Variants in TACC2 observed in about 807,000 individuals in gnomAD.
TACC2 encodes the protein transforming acidic coiled-coil-containing protein 2.
A neutral mutation model predicts 227.3 loss-of-function variants in TACC2; 137 were observed. The observed-to-expected ratio is 0.60, with a 90% CI of 0.52 to 0.69. TACC2 has a LOEUF of 0.69. Among genes scored for constraint, TACC2 ranks in the 30% least tolerant of loss-of-function variants. TACC2 has a pLI of 0.00. For missense variants in TACC2, 3,470 were observed against 3,694.4 expected (o/e 0.94, Z 1.57); for synonymous variants, 1,523 against 1,487.5 (o/e 1.02, Z -0.55).
intron 3 of TACC2, among the ~76,000 whole-genome samples, chr10:122,058,070 G>T (rs1384867711): frequency 4.9e-4 from 74 of 152,188 alleles, no homozygotes; most frequent in Non-Finnish European, 8.8e-5. Context: ...ACCCACCATG[G>T]AGTGGTTCAG....
intron 5 of TACC2, among the ~76,000 whole-genome samples, chr10:122,116,024 C>G (rs1305533197): frequency 6.6e-6 from 1 of 152,104 alleles, no homozygotes; most frequent in Admixed American, 6.5e-5. Flanking sequence ...TTCTGCCTCT[C>G]CCCTATTGAG....
At chr10:122,215,757 GA>G (rs1296848387) in intron 10 of TACC2, among the ~76,000 whole-genome samples, 2 of 152,164 alleles carry the variant, frequency 1.3e-5, no homozygotes, top group Non-Finnish European at 2.9e-5. Flanking sequence ...GTCGAGATGA[GA>G]AAGTCTCTTG....
chr10:122,137,791 A>G (rs2089949188), intron 6 of TACC2, among the ~76,000 whole-genome samples: 1 of 152,120 alleles, frequency 6.6e-6, no homozygotes, highest in South Asian at 2.1e-4. Flanking sequence ...GTCCTTGGAG[A>G]ACCACCAGGT....
Position 122,161,080 on chromosome 10 carries a change from T to C in TACC2, c.5834+17374T>C, listed in dbSNP as rs1340918914. On this transcript the variant is annotated intron_variant, in intron 7 of 22. Transcript: ENST00000369005. ...TCCTGAGTAGCTGGGACCACAGTTA[T>C]GCACCACCACACCCACCTAATTTTG... Among the ~76,000 whole-genome samples the C allele has an allele frequency of 3.3e-5, 5 of 152,134 alleles. No homozygotes were observed. In the South Asian group the frequency reaches 8.3e-4, roughly 25 times the overall value.
At chr10:122,229,318 G>T in intron 14 of TACC2, 28 bp from the exon 15 acceptor site, 1 of 1,611,506 alleles carries the variant, frequency 6.2e-7, no homozygotes, top group Admixed American at 1.7e-5. Context: ...TATTTTTCTT[G>T]TGTGTCCTCC....
At position 122,227,937 on chromosome 10, in the gene TACC2, G is replaced by A. The variant is rs200541273; in HGVS notation, c.7825G>A (p.Val2609Met). Residue 2609 changes from valine to methionine, a missense_variant, in exon 14 of 23, where the codon GTG (valine) becomes ATG (methionine). Around this residue, in one of 10 missense-constraint regions of TACC2, gnomAD observed 345 missense variants for 354.4 expected, o/e 0.97. Coordinates refer to ENST00000369005, the MANE Select transcript of TACC2 (RefSeq NM_206862.4). ...LAPNQESHLQ[V>M]PEKSSQKELE... ...CCCTAACCAAGAGTCACACTTGCAG[G>A]TGCCAGAGAAATCCTCCCAGAAGGA... 4.8e-5 allele frequency: 77 copies of A among 1,614,142 alleles called. No individual in the cohort carries two copies. Among genetic ancestry groups the A allele is most frequent in the Non-Finnish European group, 1.4e-5 (17 of 1,180,054 alleles).
chr10:122,103,868 G>C (rs987662933), intron 5 of TACC2, among the ~76,000 whole-genome samples: 2 of 152,182 alleles, frequency 1.3e-5, no homozygotes, highest in Non-Finnish European at 2.9e-5. Context: ...CCAGCTGCCT[G>C]GTGAGCACTG....
intron 5 of TACC2, among the ~76,000 whole-genome samples, chr10:122,104,679 T>G (rs2082548935): frequency 6.6e-6 from 1 of 152,198 alleles, no homozygotes; most frequent in Admixed American, 6.5e-5. Context: ...CTTTCATTTT[T>G]TATTTCGTTG....
chr10:122,246,169 A>G (rs2096113726), intron 19 of TACC2, among the ~76,000 whole-genome samples: 1 of 152,040 alleles, frequency 6.6e-6, no homozygotes, highest in African/African-American at 2.4e-5. Context: ...TCTCTGCCCC[A>G]CCCCAGACCT....
chr10:122,096,412 A>T (rs564419454), intron 5 of TACC2, among the ~76,000 whole-genome samples: 1 of 152,146 alleles, frequency 6.6e-6, no homozygotes, highest in Non-Finnish European at 1.5e-5. Context: ...AGTGCCCCTT[A>T]CCGGCCAGGC....
chr10:122,224,621 T>A, intron 11 of TACC2, 105 bp from the exon 12 acceptor site: 1 of 960,710 alleles, frequency 1.0e-6, no homozygotes, highest in South Asian at 1.4e-5. Context: ...CCCAGAGCCT[T>A]GTGATAGCTC....
chr10:122,164,621 AG>A (rs2093038923), intron 7 of TACC2, among the ~76,000 whole-genome samples: 2 of 152,204 alleles, frequency 1.3e-5, no homozygotes, highest in Non-Finnish European at 2.9e-5. Context: ...CGTGCTCAGA[AG>A]TGGCCTTTAT....
At chr10:122,087,998 A>C (rs1195347663) in intron 4 of TACC2, 39 bp downstream of exon 4, 2 of 1,490,868 alleles carry the variant, frequency 1.3e-6, no homozygotes, top group Non-Finnish European at 1.8e-6. Context: ...ATGTGTGGTC[A>C]GTTTCAAAGG....
intron 7 of TACC2, among the ~76,000 whole-genome samples, chr10:122,173,925 C>G (rs2093593833): frequency 6.6e-6 from 1 of 152,210 alleles, no homozygotes; most frequent in Admixed American, 6.5e-5. Flanking sequence ...GGGCCAGCAG[C>G]CACCTGCTCC....
chr10:122,216,764 C>G lies in TACC2; in HGVS notation c.7482C>G (p.Asp2494Glu). 1 of 1,614,082 alleles carries G rather than the reference C, an allele frequency of 6.2e-7. No homozygotes were observed. Among genetic ancestry groups the G allele is most frequent in the South Asian group, 1.1e-5 (1 of 91,064 alleles). Residue 2494 changes from aspartate to glutamate, a missense_variant, in exon 11 of 23, where the codon GAC becomes GAG. Physicochemically the swap from Asp to Glu is conservative, Grantham distance 45. Around this residue, in one of 10 missense-constraint regions of TACC2, gnomAD observed 345 missense variants for 354.4 expected, o/e 0.97. Coordinates refer to ENST00000369005, the MANE Select transcript of TACC2 (RefSeq NM_206862.4). Reference sequence around the variant, plus strand: ...TGGACCTAGAGGCTGACAAACAGGACTACCCGCAGCCCTCGGACCTGTCCA... The same window carrying G: ...TGGACCTAGAGGCTGACAAACAGGAGTACCCGCAGCCCTCGGACCTGTCCA... ...MTVDLEADKQ[D>E]YPQPSDLSTF...
chr10:122,149,895 A>T (rs1332733436), intron 7 of TACC2, among the ~76,000 whole-genome samples: 3 of 152,314 alleles, frequency 2.0e-5, no homozygotes, highest in Non-Finnish European at 2.9e-5. Context: ...GGTCCGGGGC[A>T]GACTGAGCAT....
intron 7 of TACC2, among the ~76,000 whole-genome samples, chr10:122,145,529 A>G (rs2091259399): frequency 6.6e-6 from 1 of 152,202 alleles, no homozygotes; most frequent in African/African-American, 2.4e-5. Context: ...ATTGACTACA[A>G]ATGAGCATGA....
intron 3 of TACC2, among the ~76,000 whole-genome samples, chr10:122,071,353 G>T (rs1230302828): frequency 6.6e-6 from 1 of 152,156 alleles, no homozygotes; most frequent in Admixed American, 6.5e-5. Context: ...GGGGAGTACT[G>T]GTGTGCAACA....
intron 7 of TACC2, among the ~76,000 whole-genome samples, chr10:122,185,501 C>T (rs2094154619): frequency 1.3e-5 from 2 of 152,184 alleles, no homozygotes; most frequent in African/African-American, 2.4e-5. Flanking sequence ...TGGCCATACT[C>T]TTTATCAGTG....
Sources: gnomAD v4.1 joint callset for allele counts (sites outside exome capture counted in the v4.1 genomes callset) on GRCh38, gnomAD v4.1.1 for gene constraint, gnomAD v4.1.1 regional missense constraint, MANE v1.5 for transcripts, NCBI Gene and HGNC (gene_info 2026-07-23, HGNC 2026-07-21) for gene names.